Variants in ATXN1 observed in about 807,000 individuals in gnomAD.
ATXN1 encodes the protein ataxin 1, also known as ataxin-1.
In ATXN1, 8 loss-of-function variants were observed where a neutral mutation model predicts 56.4. The observed-to-expected ratio is 0.14, with a 90% CI of 0.08 to 0.26. The LOEUF (loss-of-function observed/expected upper bound fraction) is 0.26. Among genes scored for constraint, ATXN1 ranks in the 10% least tolerant of loss-of-function variants. The probability of loss-of-function intolerance (pLI) is 1.00; values close to 1 mark genes in which losing one functional copy is unlikely to be tolerated. For missense variants in ATXN1, 987 were observed against 1,106.5 expected, an observed-to-expected ratio of 0.89 and a Z score of 1.53; for synonymous variants, 514 against 494.6, an observed-to-expected ratio of 1.04 and a Z score of -0.52.
At chr6:16,645,027 A>C (rs1486064368) in intron 3 of ATXN1, among the ~76,000 whole-genome samples, 2 of 152,240 alleles carry the variant, frequency 1.3e-5, no homozygotes, top group Non-Finnish European at 2.9e-5. Context: ...TTCACTGGCC[A>C]TGACCTTTGA....
At chr6:16,654,700 G>A (rs191195357) in intron 3 of ATXN1, among the ~76,000 whole-genome samples, 79 of 152,204 alleles carry the variant, frequency 5.2e-4, no homozygotes, top group African/African-American at 1.6e-3. Context: ...CAAACCTCCC[G>A]ATTCAGCATG....
intron 6 of ATXN1, among the ~76,000 whole-genome samples, chr6:16,363,747 TG>T (rs1402220786): frequency 6.6e-6 from 1 of 152,198 alleles, no homozygotes; most frequent in Non-Finnish European, 1.5e-5. Flanking sequence ...ATTTGTTTGC[TG>T]GAATGACTTG....
chr6:16,325,121 T>TC (rs1278529536), intron 7 of ATXN1, among the ~76,000 whole-genome samples: 1 of 150,912 alleles, frequency 6.6e-6, no homozygotes, highest in East Asian at 1.9e-4. Context: ...TCCATCTGTT[T>TC]TTTTTTTTTT....
At chr6:16,318,647 C>T (rs1760570261) in intron 7 of ATXN1, among the ~76,000 whole-genome samples, 1 of 152,222 alleles carries the variant, frequency 6.6e-6, no homozygotes, top group Non-Finnish European at 1.5e-5. Context: ...TCACGCAAAG[C>T]CTGACTCAGT....
chr6:16,761,159 G>A, intron 1 of ATXN1, 139 bp downstream of exon 1: 1 of 368,126 alleles, frequency 2.7e-6, no homozygotes, highest in Non-Finnish European at 5.3e-6. Context: ...AGCCGATTGG[G>A]GTTTTGGGTT....
chr6:16,404,445 G>C (rs377528083), intron 6 of ATXN1, among the ~76,000 whole-genome samples: 2 of 152,182 alleles, frequency 1.3e-5, no homozygotes, highest in African/African-American at 4.8e-5. Context: ...CCAGCAATGA[G>C]AGGGCGTCTG....
chr6:16,429,499 C>T (rs1042656670), intron 6 of ATXN1, among the ~76,000 whole-genome samples: 5 of 143,746 alleles, frequency 3.5e-5, no homozygotes, highest in African/African-American at 1.3e-4. Context: ...CTGACTGCAA[C>T]CTCCGCCTCC....
chr6:16,756,913 G>T lies in ATXN1; in HGVS notation c.-729-3566C>A, dbSNP rs545050670. ...CATCAGAAACTGTCACTCAAGGTATGTGCAAAAAAGTAAAATCCACTTGAC... is the reference window on the plus strand; with the variant it reads ...CATCAGAAACTGTCACTCAAGGTATTTGCAAAAAAGTAAAATCCACTTGAC... On this transcript the variant is annotated intron_variant, in intron 1 of 7. Transcript: ENST00000436367. Among the ~76,000 whole-genome samples, 3 of 152,286 alleles carry T rather than the reference G, an allele frequency of 2.0e-5. No individual in the cohort carries two copies. The South Asian group carries it at 6.2e-4, about 32-fold the overall frequency.
At chr6:16,607,933 A>C (rs1763039490) in intron 3 of ATXN1, among the ~76,000 whole-genome samples, 1 of 152,222 alleles carries the variant, frequency 6.6e-6, no homozygotes, top group South Asian at 2.1e-4. Context: ...ATAGGATTCT[A>C]CAGTCTTCTT....
chr6:16,383,234 G>A (rs190185806), intron 6 of ATXN1, among the ~76,000 whole-genome samples: 2 of 152,272 alleles, frequency 1.3e-5, no homozygotes, highest in African/African-American at 4.8e-5. Context: ...AATTGTAAAT[G>A]TTTATGACTT....
intron 2 of ATXN1, among the ~76,000 whole-genome samples, chr6:16,661,650 T>C (rs1758322970): frequency 6.6e-6 from 1 of 152,190 alleles, no homozygotes; most frequent in Non-Finnish European, 1.5e-5. Context: ...TGGGAGATCA[T>C]TTCCAAGACT....
intron 2 of ATXN1, among the ~76,000 whole-genome samples, chr6:16,721,963 G>A (rs1408875173): frequency 3.3e-5 from 5 of 152,182 alleles, no homozygotes; most frequent in Non-Finnish European, 5.9e-5. Flanking sequence ...GCCTTGGGAC[G>A]TTCTGGAAAA....
chr6:16,740,304 G>A (rs991390589), intron 2 of ATXN1, among the ~76,000 whole-genome samples: 2 of 152,174 alleles, frequency 1.3e-5, no homozygotes, highest in Admixed American at 6.5e-5. Context: ...AGTAACTCAT[G>A]GTTTTTGCAG....
intron 2 of ATXN1, among the ~76,000 whole-genome samples, chr6:16,696,381 C>T (rs1561812253): frequency 6.6e-6 from 1 of 152,096 alleles, no homozygotes; most frequent in Non-Finnish European, 1.5e-5. Flanking sequence ...AATAACTTCA[C>T]AGAAATGACA....
intron 6 of ATXN1, among the ~76,000 whole-genome samples, chr6:16,480,474 C>T (rs906501800): frequency 2.0e-5 from 3 of 152,104 alleles, no homozygotes; most frequent in South Asian, 2.1e-4. Flanking sequence ...TCTTACCCAT[C>T]GTCCCTTTCG....
intron 4 of ATXN1, among the ~76,000 whole-genome samples, chr6:16,528,173 C>T (rs1295043808): frequency 4.6e-5 from 7 of 151,946 alleles, no homozygotes; most frequent in East Asian, 1.9e-4. Context: ...TCCTGGTGCA[C>T]GCCTGTAATC....
chr6:16,747,623 G>A (rs16879006), intron 2 of ATXN1, among the ~76,000 whole-genome samples: 1,818 of 151,330 alleles, frequency 0.012, 42 homozygotes, highest in African/African-American at 0.041. Flanking sequence ...CTCGATTTCC[G>A]TGGGTCTGTA....
intron 3 of ATXN1, among the ~76,000 whole-genome samples, chr6:16,641,496 C>T (rs889908554): frequency 6.6e-6 from 1 of 152,182 alleles, no homozygotes; most frequent in Non-Finnish European, 1.5e-5. Flanking sequence ...ACAACAAAGC[C>T]TGGATGAAAG....
chr6:16,516,072 G>A (rs1761178265), intron 5 of ATXN1, among the ~76,000 whole-genome samples: 2 of 152,208 alleles, frequency 1.3e-5, no homozygotes, highest in African/African-American at 4.8e-5. Flanking sequence ...TTTAGCGTAA[G>A]TTTAGCCACC....
Sources: gnomAD v4.1 joint callset for allele counts (sites outside exome capture counted in the v4.1 genomes callset) on GRCh38, gnomAD v4.1.1 for gene constraint, MANE v1.5 for transcripts, NCBI Gene and HGNC (gene_info 2026-07-23, HGNC 2026-07-21) for gene names.